The following SNX31 variants were observed in gnomAD, a reference collection of about 807,000 sequenced individuals.
SNX31 encodes the protein sorting nexin-31.
SNX31 carries 58 observed loss-of-function variants against 65.4 expected under a neutral mutation model. That is an observed-to-expected ratio of 0.89 (90% CI 0.72 to 1.10). SNX31 has a LOEUF of 1.10. Ranked by LOEUF, SNX31 falls within the 50% of genes least tolerant of loss-of-function variation. The pLI, the probability that SNX31 is intolerant of heterozygous loss-of-function variation, is 0.00. For synonymous variants in SNX31, 181 were observed against 190.1 expected (o/e 0.95, Z 0.39); for missense variants, 523 against 529.7 (o/e 0.99, Z 0.12).
intron 3 of SNX31, among the ~76,000 whole-genome samples, chr8:100,632,573 A>C (rs1462253042): frequency 6.6e-6 from 1 of 151,966 alleles, no homozygotes; most frequent in Non-Finnish European, 1.5e-5. Flanking sequence ...CAGGAGAAAA[A>C]CCCTTTTTCT....
chr8:100,608,268 C>T (rs1816359324), intron 8 of SNX31, among the ~76,000 whole-genome samples: 1 of 152,014 alleles, frequency 6.6e-6, no homozygotes, highest in African/African-American at 2.4e-5. Context: ...AGAGCTCAAA[C>T]TTTTTTTTAT....
At chr8:100,663,150 C>G (rs1809815371) in exon 1 of SNX31, 1 of 152,242 alleles carries the variant, frequency 6.6e-6, no homozygotes, top group African/African-American at 2.4e-5. Flanking sequence ...ACCTTTCGCG[C>G]AGCGCGTTTG....
At chr8:100,605,107 C>T (rs1816025149) in intron 8 of SNX31, among the ~76,000 whole-genome samples, 1 of 152,084 alleles carries the variant, frequency 6.6e-6, no homozygotes, top group Admixed American at 6.5e-5. Flanking sequence ...CCATGTTAAC[C>T]AGGCTGGTCT....
At chr8:100,591,129 C>T (rs2469657) in intron 10 of SNX31, among the ~76,000 whole-genome samples, 76,680 of 151,910 alleles carry the variant, frequency 0.5, 21,481 homozygotes, top group African/African-American at 0.75. Context: ...ACGATCTACG[C>T]GTGTATAGAG....
intron 1 of SNX31, among the ~76,000 whole-genome samples, chr8:100,656,692 A>G (rs1693586): frequency 0.64 from 94,448 of 147,690 alleles, 32,386 homozygotes; most frequent in African/African-American, 0.9. Context: ...CACAAACTGT[A>G]TAATTAGCTA....
chr8:100,586,822 C>T (rs1258369236), intron 11 of SNX31, among the ~76,000 whole-genome samples: 3 of 152,206 alleles, frequency 2.0e-5, no homozygotes, highest in Non-Finnish European at 4.4e-5. Flanking sequence ...TCACCAGAGA[C>T]TCAAGTTGAA....
In SNX31 at chr8:100,573,926, C is replaced by CTTTTTTTTTTTTTTTTTTTTTT. The variant is rs752425672; in HGVS notation, c.1261_1262insAAAAAAAAAAAAAAAAAAAAAA (p.Ser421LysfsTer11). Reference sequence around the variant, plus strand: ...GTCATCTTTAGCTATCTTAATCTTGCTTTTTCTTGATAGAAAACTAGAATA... The same window carrying CTTTTTTTTTTTTTTTTTTTTTT: ...GTCATCTTTAGCTATCTTAATCTTGCTTTTTTTTTTTTTTTTTTTTTTTTTTTCTTGATAGAAAACTAGAATA... On this transcript the variant is annotated frameshift_variant, in exon 14 of 14. Coordinates refer to ENST00000311812, the MANE Select transcript of SNX31 (RefSeq NM_152628.4). LOFTEE classifies it high-confidence loss of function. 3 of 1,586,890 alleles carry CTTTTTTTTTTTTTTTTTTTTTT rather than the reference C, an allele frequency of 1.9e-6. No homozygotes were observed. Among genetic ancestry groups the CTTTTTTTTTTTTTTTTTTTTTT allele is most frequent in the East Asian group, 2.3e-5 (1 of 42,862 alleles).
chr8:100,611,955 G>A, intron 7 of SNX31, 45 bp downstream of exon 7: 1 of 1,462,620 alleles, frequency 6.8e-7, no homozygotes. Context: ...ATGGGCAATG[G>A]CGAAGTGTCG....
At position 100,613,963 on chromosome 8, in the gene SNX31, CT is replaced by C. The variant is rs898105458; in HGVS notation, c.433-879del. On this transcript the variant is annotated intron_variant, in intron 5 of 13. Coordinates refer to ENST00000311812, the MANE Select transcript of SNX31 (RefSeq NM_152628.4). This position sits in a 1 kb window ranked among gnomAD's most constrained non-coding sequence, Gnocchi z 5.2. ...CTCCAAGCACTGCCCTCCAGAGCTG[CT>C]TTACCCACGACTCCCAGTTCTCTAG... Among the ~76,000 whole-genome samples the C allele has an allele frequency of 1.3e-5, 2 of 152,152 alleles. No homozygotes were observed. Among genetic ancestry groups the C allele is most frequent in the African/African-American group, 4.8e-5 (2 of 41,426 alleles).
At chr8:100,659,198 T>C (rs972263479) in intron 1 of SNX31, among the ~76,000 whole-genome samples, 4 of 151,826 alleles carry the variant, frequency 2.6e-5, no homozygotes, top group African/African-American at 9.7e-5. Context: ...ATATAAAAAT[T>C]AGCCGGGCCT....
At chr8:100,599,909 C>G in intron 9 of SNX31, among the ~76,000 whole-genome samples, 1 of 152,212 alleles carries the variant, frequency 6.6e-6, no homozygotes, top group East Asian at 1.9e-4. Flanking sequence ...CAGCCAGGAA[C>G]TGTACCAGGT....
chr8:100,590,269 A>G (rs1183037662), intron 10 of SNX31, among the ~76,000 whole-genome samples: 1 of 152,230 alleles, frequency 6.6e-6, no homozygotes, highest in African/African-American at 2.4e-5. Flanking sequence ...AGGGGGCAAC[A>G]GACATTATCC....
At chr8:100,641,593 T>TAC (rs1563580769) in intron 2 of SNX31, among the ~76,000 whole-genome samples, 7 of 22,130 alleles carry the variant, frequency 3.2e-4, no homozygotes, top group African/African-American at 2.0e-3. Flanking sequence ...TATATATATA[T>TAC]ATACACATAC....
chr8:100,656,585 G>A (rs1042185435), intron 1 of SNX31, among the ~76,000 whole-genome samples: 2 of 134,834 alleles, frequency 1.5e-5, no homozygotes, highest in African/African-American at 5.6e-5. Context: ...AGGTTGCAGT[G>A]AGCCGAGATA....
At chr8:100,574,043 A>T (rs1473873615) in intron 13 of SNX31, 83 bp from the exon 14 acceptor site, 15 of 739,002 alleles carry the variant, frequency 2.0e-5, no homozygotes, top group Admixed American at 9.2e-5. Context: ...AGGTTAAAAC[A>T]GTATTGAAAG....
intron 2 of SNX31, among the ~76,000 whole-genome samples, chr8:100,646,107 C>T (rs1819616352): frequency 6.6e-6 from 1 of 152,110 alleles, no homozygotes; most frequent in African/African-American, 2.4e-5. Context: ...CCCCTTCATC[C>T]TCTGAAGCTT....
chr8:100,634,791 C>T (rs547159317), intron 3 of SNX31, among the ~76,000 whole-genome samples: 1 of 150,290 alleles, frequency 6.7e-6, no homozygotes, highest in African/African-American at 2.5e-5. Context: ...TGCAGTGGCT[C>T]ATATCTATAA....
At chr8:100,635,779 G>T (rs185572404) in intron 3 of SNX31, 118 bp downstream of exon 3, 1 of 651,244 alleles carries the variant, frequency 1.5e-6, no homozygotes, top group Non-Finnish European at 2.5e-6. Flanking sequence ...GGTAATGGTC[G>T]CACAATTAAT....
At chr8:100,595,047 A>G (rs1445669742) in intron 10 of SNX31, among the ~76,000 whole-genome samples, 4 of 152,244 alleles carry the variant, frequency 2.6e-5, no homozygotes, top group African/African-American at 9.6e-5. Context: ...GCCAATCCCT[A>G]AGGCAATTGA....
Sources: allele counts gnomAD v4.1 joint callset (sites outside exome capture counted in the v4.1 genomes callset), GRCh38; gene constraint gnomAD v4.1.1; non-coding constraint Gnocchi (gnomAD v3.1); transcripts MANE v1.5; gene names NCBI Gene and HGNC (gene_info 2026-07-23, HGNC 2026-07-21).